FBXL13: variants seen among roughly 807,000 people sequenced by gnomAD.
FBXL13 encodes F-box and leucine-rich repeat protein 13.
A neutral mutation model predicts 83.6 loss-of-function variants in FBXL13; 67 were observed. The observed-to-expected ratio is 0.80, with a 90% confidence interval of 0.66 to 0.98. The LOEUF (loss-of-function observed/expected upper bound fraction) is 0.98. Among genes scored for constraint, FBXL13 ranks in the 50% least tolerant of loss-of-function variants. The probability of loss-of-function intolerance (pLI) is 0.00; values close to 1 mark genes in which losing one functional copy is unlikely to be tolerated. For missense variants in FBXL13, 822 were observed against 866.5 expected, an observed-to-expected ratio of 0.95 and a Z score of 0.64; for synonymous variants, 272 against 299.5, an observed-to-expected ratio of 0.91 and a Z score of 0.95.
At chr7:102,834,032 TGAAGGAAGGAAGGAAG>T (rs199540401) in intron 17 of FBXL13, among the ~76,000 whole-genome samples, 916 of 75,452 alleles carry the variant, frequency 0.012, 39 homozygotes, top group African/African-American at 0.05. Flanking sequence ...GAAACCATGA[TGAAGGAAGGAAGGAAG>T]GAAGGAAGGA....
chr7:102,839,292 G>A (rs1054581813), intron 17 of FBXL13, among the ~76,000 whole-genome samples: 3 of 152,214 alleles, frequency 2.0e-5, no homozygotes, highest in South Asian at 2.1e-4. Context: ...CTCTCCTACC[G>A]CATTCCTCTT....
chr7:102,947,986 CA>C (rs1822796175), intron 8 of FBXL13, among the ~76,000 whole-genome samples: 1 of 152,000 alleles, frequency 6.6e-6, no homozygotes, highest in African/African-American at 2.4e-5. Context: ...TGCCCTGGAT[CA>C]ATTCATGTCT....
chr7:102,944,427 A>G, intron 8 of FBXL13: 1 of 1,614,112 alleles, frequency 6.2e-7, no homozygotes, highest in Non-Finnish European at 8.5e-7. Flanking sequence ...AAACGCCTGA[A>G]GAATACAAAG....
At chr7:103,032,165 C>T (rs1341769681) in intron 2 of FBXL13, among the ~76,000 whole-genome samples, 1 of 152,156 alleles carries the variant, frequency 6.6e-6, no homozygotes, top group East Asian at 1.9e-4. Flanking sequence ...AGCATGATTA[C>T]AACCCAGTCC....
At position 102,920,336 on chromosome 7, in the gene FBXL13, A is replaced by G. The variant is rs74783577; in HGVS notation, c.878+5938T>C. 3.7e-3 allele frequency among the ~76,000 whole-genome samples: 569 copies of G among 152,260 alleles called. 5 individuals are homozygous for G. Among genetic ancestry groups the G allele is most frequent in the African/African-American group, 0.014 (562 of 41,534 alleles). ...AGTGCAGTAACATAAAAATCAAAAC[A>G]TAAAACAAGATGATAAAAATAAAAC... On this transcript the variant is annotated intron_variant, in intron 10 of 19. Transcript: ENST00000313221.
intron 14 of FBXL13, among the ~76,000 whole-genome samples, chr7:102,878,784 G>A (rs895534205): frequency 1.3e-5 from 2 of 152,112 alleles, no homozygotes; most frequent in Non-Finnish European, 2.9e-5. Context: ...TCCTGCAAAA[G>A]AAAAAGATCA....
chr7:102,832,493 C>T (rs1283922710), intron 18 of FBXL13, among the ~76,000 whole-genome samples: 2 of 152,236 alleles, frequency 1.3e-5, no homozygotes, highest in African/African-American at 2.4e-5. Flanking sequence ...TAACCTAACA[C>T]TCTTAATGCA....
At chr7:102,954,089 G>A (rs1823853884) in intron 8 of FBXL13, among the ~76,000 whole-genome samples, 1 of 152,072 alleles carries the variant, frequency 6.6e-6, no homozygotes, top group Non-Finnish European at 1.5e-5. Context: ...TGGACAGTGG[G>A]TGCAGCCCAC....
intron 11 of FBXL13, among the ~76,000 whole-genome samples, chr7:102,912,671 A>AACCCCC (rs1814922725): frequency 2.7e-5 from 2 of 73,536 alleles, no homozygotes; most frequent in African/African-American, 4.4e-5. Context: ...ATAGCATTTT[A>AACCCCC]CCCCCCCCCC....
chr7:102,813,700 AG>A (rs138090373), intron 19 of FBXL13, among the ~76,000 whole-genome samples, 169 bp from the exon 21 acceptor site: 3,750 of 152,310 alleles, frequency 0.025, 163 homozygotes, highest in African/African-American at 0.086. Context: ...ACAAATAAAC[AG>A]GGTCCCAAAG....
chr7:103,027,294 C>T (rs563707280), intron 5 of FBXL13, among the ~76,000 whole-genome samples, 155 bp downstream of exon 6: 1 of 151,612 alleles, frequency 6.6e-6, no homozygotes, highest in African/African-American at 2.4e-5. Flanking sequence ...AAAACTCTGT[C>T]CCAAAAAAAT....
intron 14 of FBXL13, among the ~76,000 whole-genome samples, chr7:102,882,346 G>A (rs1244887824): frequency 6.6e-6 from 1 of 152,190 alleles, no homozygotes; most frequent in African/African-American, 2.4e-5. Context: ...CTTCAATGTG[G>A]ATCAAGTACT....
intron 17 of FBXL13, among the ~76,000 whole-genome samples, chr7:102,836,337 T>G (rs1223926820): frequency 1.3e-5 from 2 of 152,214 alleles, no homozygotes; most frequent in Non-Finnish European, 2.9e-5. Context: ...GAACTTTTCC[T>G]CTCTTAGAAT....
Position 102,920,984 on chromosome 7 carries a change from G to A in FBXL13, c.878+5290C>T, listed in dbSNP as rs147631853. On this transcript the variant is annotated intron_variant, in intron 10 of 19. Coordinates refer to ENST00000313221, the Ensembl canonical transcript of FBXL13. ...CTGGCCAACATGATGAAACCCTGTCGCTACTAAAAATACAAATATTAGCCT... is the reference window on the plus strand; with the variant it reads ...CTGGCCAACATGATGAAACCCTGTCACTACTAAAAATACAAATATTAGCCT... Among the ~76,000 whole-genome samples the A allele has an allele frequency of 3.8e-3, 569 of 151,352 alleles. 5 individuals carry two copies. Among genetic ancestry groups the A allele is most frequent in the African/African-American group, 0.014 (560 of 41,280 alleles).
chr7:102,818,642 C>G (rs1363075374), intron 19 of FBXL13, among the ~76,000 whole-genome samples: 3 of 152,134 alleles, frequency 2.0e-5, no homozygotes, highest in African/African-American at 4.8e-5. Flanking sequence ...CTTCTAGCAA[C>G]TGCTAAAGAA....
intron 1 of FBXL13, among the ~76,000 whole-genome samples, chr7:103,060,015 A>C (rs7784237): frequency 0.97 from 99,682 of 102,292 alleles, 48,614 homozygotes; most frequent in East Asian, 1. Flanking sequence ...TGATAGCAAG[A>C]TATTTTATAT....
chr7:103,013,466 T>C (rs1431832908), intron 6 of FBXL13, among the ~76,000 whole-genome samples: 1 of 151,966 alleles, frequency 6.6e-6, no homozygotes, highest in African/African-American at 2.4e-5. Flanking sequence ...ATATAGAAAT[T>C]AATGCTAAGA....
intron 8 of FBXL13, among the ~76,000 whole-genome samples, chr7:102,958,849 C>T (rs947374043): frequency 6.6e-6 from 1 of 151,858 alleles, no homozygotes; most frequent in African/African-American, 2.4e-5. Flanking sequence ...ACATGCAGGA[C>T]ACAGCTGCTG....
intron 8 of FBXL13, among the ~76,000 whole-genome samples, chr7:102,954,006 C>A (rs910543477): frequency 4.6e-5 from 7 of 152,222 alleles, no homozygotes; most frequent in Non-Finnish European, 8.8e-5. Flanking sequence ...CAGCTCTCAA[C>A]ATGATCGACG....
Sources: gnomAD v4.1 joint callset for allele counts (sites outside exome capture counted in the v4.1 genomes callset) on GRCh38, gnomAD v4.1.1 for gene constraint, MANE v1.5 for transcripts, NCBI Gene and HGNC (gene_info 2026-07-23, HGNC 2026-07-21) for gene names.